ATXN3: variants seen among roughly 807,000 people sequenced by gnomAD.
ATXN3 encodes the protein ataxin-3.
In ATXN3, 28 loss-of-function variants were observed where a neutral mutation model predicts 58.2. The ratio of observed to expected loss-of-function variants is 0.48; its 90% CI spans 0.36 to 0.66. The LOEUF (loss-of-function observed/expected upper bound fraction) is 0.66, where lower values mean the gene tolerates loss of function less well. ATXN3 is among the 30% of genes least tolerant of loss of function. The pLI, the probability that ATXN3 is intolerant of heterozygous loss-of-function variation, is 0.00. For missense variants in ATXN3, 321 were observed against 422.1 expected (o/e 0.76, Z 2.10); for synonymous variants, 113 against 138.5 (o/e 0.82, Z 1.29).
At chr14:92,081,578 CATATGG>C (rs1049020212) in intron 8 of ATXN3, among the ~76,000 whole-genome samples, 12 of 151,284 alleles carry the variant, frequency 7.9e-5, no homozygotes, top group Non-Finnish European at 1.8e-4. Flanking sequence ...GATTGCACAC[CATATGG>C]AGTACTCAGA....
chr14:92,078,357 A>ATTATTTATTTATTTAT (rs71301947), intron 9 of ATXN3, among the ~76,000 whole-genome samples: 1 of 150,114 alleles, frequency 6.7e-6, no homozygotes, highest in Admixed American at 6.6e-5. Flanking sequence ...GTTATTTTTT[A>ATTATTTATTTATTTAT]TTATTTATTT....
chr14:92,064,492 A>G, intron 10 of ATXN3, 78 bp from the exon 11 acceptor site: 1 of 1,043,720 alleles, frequency 9.6e-7, no homozygotes, highest in Non-Finnish European at 1.5e-6. Flanking sequence ...TTCTCAGAAA[A>G]TGTATTTCTA....
In ATXN3 at chr14:92,093,807, A is replaced by C. The variant is rs1219712945; in HGVS notation, c.259T>G (p.Trp87Gly). 2 of 1,611,974 alleles carry C rather than the reference A, an allele frequency of 1.2e-6. No individual in the cohort carries two copies. The highest frequency in any genetic ancestry group is 1.7e-6 in the Non-Finnish European group (2 of 1,178,146). ...TTGAACAGGATTAGTTCTAAACCCCAAACTTTCAAGGCATTGCTTATAACC... is the reference window on the plus strand; with the variant it reads ...TTGAACAGGATTAGTTCTAAACCCCCAACTTTCAAGGCATTGCTTATAACC... ...IQVISNALKV[W>G]GLELILFNSP... Residue 87 changes from tryptophan to glycine, a missense_variant, in exon 4 of 11, where the codon TGG (tryptophan) becomes GGG (glycine). Physicochemically the swap from Trp to Gly is radical, Grantham distance 184 (BLOSUM62 -2). Coordinates refer to ENST00000644486, the MANE Select transcript of ATXN3 (RefSeq NM_004993.6).
rs2057594073 is a variant in ATXN3, at chr14:92,059,462, C to G, written c.*4858G>C. 1 of 152,070 alleles carries G rather than the reference C, an allele frequency of 6.6e-6. No homozygotes were observed. Among genetic ancestry groups the G allele is most frequent in the South Asian group, 2.1e-4 (1 of 4,824 alleles). 9.4% of individuals were successfully genotyped at this position (152,070 alleles called of 1,614,324 possible). ...GATTAGTTGATCCAATCTGGTAGTT[C>G]TTAATTAGGGTCACATATATATCCA... On this transcript the variant is annotated 3_prime_UTR_variant, in exon 11 of 11. Coordinates refer to ENST00000644486, the MANE Select transcript of ATXN3 (RefSeq NM_004993.6).
chr14:92,087,800 T>C (rs888812258), intron 6 of ATXN3, among the ~76,000 whole-genome samples: 6 of 151,698 alleles, frequency 4.0e-5, no homozygotes, highest in African/African-American at 1.5e-4. Context: ...AGATAGGAGG[T>C]GGTAGTTAAA....
intron 6 of ATXN3, among the ~76,000 whole-genome samples, chr14:92,086,052 C>T (rs760444067): frequency 4.0e-4 from 61 of 151,962 alleles, no homozygotes; most frequent in African/African-American, 1.3e-3. Flanking sequence ...TTCACAATAA[C>T]TACATAACAA....
In ATXN3 at chr14:92,058,600, A is replaced by G. The variant is rs1365821479; in HGVS notation, c.*5720T>C. ...TTTAATAATCTTTGATATTTAAAAT[A>G]CAACTCATTGAACATCCACACTAAC... On this transcript the variant is annotated 3_prime_UTR_variant, in exon 11 of 11. Coordinates refer to ENST00000644486, the MANE Select transcript of ATXN3 (RefSeq NM_004993.6). The G allele has an allele frequency of 1.3e-5, 2 of 152,230 alleles. No individual in the cohort carries two copies. The highest frequency in any genetic ancestry group is 2.9e-5 in the Non-Finnish European group (2 of 68,038). 9.4% of individuals were successfully genotyped at this position (152,230 alleles called of 1,614,324 possible).
intron 9 of ATXN3, chr14:92,071,696 A>C (rs567708278): frequency 5.4e-6 from 1 of 185,720 alleles, no homozygotes; most frequent in South Asian, 1.0e-4. Flanking sequence ...TATTGTTGAA[A>C]GTCACCAAAA....
At chr14:92,051,297 T>A (rs778823784), upstream of ATXN3, among the ~76,000 whole-genome samples, 38 of 152,222 alleles carry the variant, frequency 2.5e-4, no homozygotes, top group Non-Finnish European at 4.6e-4. Flanking sequence ...GTTAACAGAT[T>A]CCATTTTTTA....
downstream of ATXN3, among the ~76,000 whole-genome samples, chr14:92,055,424 CGTT>C (rs1009360607): frequency 1.3e-5 from 2 of 152,126 alleles, no homozygotes; most frequent in South Asian, 2.1e-4. The surrounding 1 kb of genome is among the most constrained non-coding windows in gnomAD (Gnocchi z 4.5). Context: ...AGTACATTCA[CGTT>C]GTTGTGCAGC....
intron 6 of ATXN3, among the ~76,000 whole-genome samples, chr14:92,087,664 TATGATGACGGATTA>T (rs988175703): frequency 1.3e-5 from 2 of 152,152 alleles, no homozygotes; most frequent in African/African-American, 4.8e-5. Flanking sequence ...ATGGAGTGAT[TATGATGACGGATTA>T]CAGAAAATAA....
At chr14:92,085,438 C>G (rs182777546) in intron 6 of ATXN3, among the ~76,000 whole-genome samples, 3 of 152,098 alleles carry the variant, frequency 2.0e-5, no homozygotes, top group African/African-American at 4.8e-5. Context: ...GATCTGCCCC[C>G]TCATCCTCCC....
At chr14:92,055,605 C>T (rs1396824281), downstream of ATXN3, among the ~76,000 whole-genome samples, 1 of 152,154 alleles carries the variant, frequency 6.6e-6, no homozygotes, top group Non-Finnish European at 1.5e-5. The surrounding 1 kb of genome is among the most constrained non-coding windows in gnomAD (Gnocchi z 4.5). Flanking sequence ...TGGAATTATA[C>T]ACTATTAATC....
chr14:92,082,394 C>T lies in ATXN3; in HGVS notation c.681G>A (p.Glu227=). Residue 227 remains glutamate, a synonymous_variant, in exon 8 of 11, where the codon GAG becomes GAA. Coordinates refer to ENST00000644486, the MANE Select transcript of ATXN3 (RefSeq NM_004993.6). The part of the protein sequence containing the change: ...DGSGMLDEDE[E]DLQRALALSR... ...TTAGTGCCAGAGCCCTCTGCAAATC[C>T]TCCTCATCTTCGTCTAACATTCCTG... 1 of 1,614,108 alleles carries T rather than the reference C, an allele frequency of 6.2e-7. No individual in the cohort carries two copies. The highest frequency in any genetic ancestry group is 8.5e-7 in the Non-Finnish European group (1 of 1,180,010).
Position 92,088,790 on chromosome 14 carries a change from C to A in ATXN3, c.415G>T (p.Gly139Cys), listed in dbSNP as rs766771475. 9.3e-6 allele frequency: 15 copies of A among 1,611,238 alleles called. No homozygotes were observed. In the South Asian group the frequency reaches 9.9e-5, roughly 11 times the overall value. The change falls in exon 6 of 11, where the codon GGT becomes TGT. Residue 139 changes from glycine to cysteine, a missense_variant. Coordinates refer to ENST00000644486, the MANE Select transcript of ATXN3 (RefSeq NM_004993.6). Reference protein sequence around the residue: ...QWFNLNSLLTGPELISDTYLA... With the variant: ...QWFNLNSLLTCPELISDTYLA... ...TATGTATCTGATATTAATTCTGGAC[C>A]CGTCAAGAGAGAATTCAAGTTAAAC...
chr14:92,076,678 G>A (rs868697436), intron 9 of ATXN3, among the ~76,000 whole-genome samples: 30 of 151,846 alleles, frequency 2.0e-4, no homozygotes, highest in African/African-American at 7.3e-4. Context: ...GGTGGTGCAC[G>A]CCTGTAATCC....
At chr14:92,074,232 CAGG>C in intron 9 of ATXN3, among the ~76,000 whole-genome samples, 1 of 151,954 alleles carries the variant, frequency 6.6e-6, no homozygotes, top group East Asian at 1.9e-4. Context: ...GAGGCTGAGG[CAGG>C]AGAATTGTTT....
chr14:92,067,890 G>A (rs1456990977), intron 10 of ATXN3, among the ~76,000 whole-genome samples: 1 of 152,142 alleles, frequency 6.6e-6, no homozygotes, highest in African/African-American at 2.4e-5. Context: ...AAGGAGTGGC[G>A]GTCATGGGGA....
rs150031811 is a variant in ATXN3 at position 92,067,403 on chromosome 14, C to T, written c.992-2989G>A. 9.2e-5 allele frequency among the ~76,000 whole-genome samples: 14 copies of T among 152,184 alleles called. No homozygotes were observed. The East Asian group carries it at 2.5e-3, about 27-fold the overall frequency. On this transcript the variant is annotated intron_variant, in intron 10 of 10. Coordinates refer to ENST00000644486, the MANE Select transcript of ATXN3 (RefSeq NM_004993.6). Reference sequence around the variant, plus strand: ...CCTTTCTCATCTCCTTCTGGGAATCCTGACACAAATTTAGATGGAGTCTTG... The same window carrying T: ...CCTTTCTCATCTCCTTCTGGGAATCTTGACACAAATTTAGATGGAGTCTTG...
Sources: gnomAD v4.1 joint callset for allele counts (sites outside exome capture counted in the v4.1 genomes callset) on GRCh38, gnomAD v4.1.1 for gene constraint, Gnocchi (gnomAD v3.1) non-coding constraint, MANE v1.5 for transcripts, NCBI Gene and HGNC (gene_info 2026-07-23, HGNC 2026-07-21) for gene names.